The following SLC12A1 variants were observed in gnomAD, a reference collection of about 807,000 sequenced individuals.
The protein encoded by SLC12A1 is Na-K-2Cl cotransporter.
In SLC12A1, 89 loss-of-function variants were observed where a neutral mutation model predicts 130.4. The ratio of observed to expected loss-of-function variants is 0.68; its 90% CI spans 0.58 to 0.81. The LOEUF is 0.81. SLC12A1 is among the 40% of genes least tolerant of loss of function. The pLI, the probability that SLC12A1 is intolerant of heterozygous loss-of-function variation, is 0.00. For synonymous variants in SLC12A1, 499 were observed against 460.0 expected (o/e 1.08, Z -1.09); for missense variants, 1,310 against 1,336.4 (o/e 0.98, Z 0.31).
At chr15:48,290,371 T>G (rs1292607638) in intron 23 of SLC12A1, among the ~76,000 whole-genome samples, 1 of 152,196 alleles carries the variant, frequency 6.6e-6, no homozygotes, top group East Asian at 1.9e-4. Flanking sequence ...TTCACTTTTT[T>G]TAATAAGTAG....
At chr15:48,292,801 T>C (rs2042135028) in intron 24 of SLC12A1, among the ~76,000 whole-genome samples, 1 of 152,154 alleles carries the variant, frequency 6.6e-6, no homozygotes, top group Non-Finnish European at 1.5e-5. Flanking sequence ...CTAAACCTAA[T>C]TACCACCCAG....
intron 6 of SLC12A1, 71 bp from the exon 7 acceptor site, chr15:48,230,322 T>A (rs980317723): frequency 2.3e-6 from 2 of 859,252 alleles, no homozygotes; most frequent in African/African-American, 3.3e-5. Context: ...CTCTTTTTAC[T>A]GTTAAATGCT....
At chr15:48,263,637 T>TA (rs72169413) in intron 17 of SLC12A1, among the ~76,000 whole-genome samples, 2 of 151,750 alleles carry the variant, frequency 1.3e-5, no homozygotes, top group Admixed American at 1.3e-4. Flanking sequence ...AGTCCCTGCC[T>TA]AAAAAAAGAA....
chr15:48,240,091 C>CT (rs2041496355), intron 9 of SLC12A1, among the ~76,000 whole-genome samples: 1 of 49,584 alleles, frequency 2.0e-5, no homozygotes, highest in African/African-American at 1.9e-4. Context: ...ATATATATAT[C>CT]CATATATATA....
At chr15:48,210,641 G>C (rs1281504685) in intron 2 of SLC12A1, among the ~76,000 whole-genome samples, 1 of 149,052 alleles carries the variant, frequency 6.7e-6, no homozygotes, top group Non-Finnish European at 1.5e-5. Context: ...GATCACCTGA[G>C]GTCAAAAATT....
At chr15:48,209,798 A>G (rs1167620890) in intron 2 of SLC12A1, among the ~76,000 whole-genome samples, 1 of 152,112 alleles carries the variant, frequency 6.6e-6, no homozygotes, top group African/African-American at 2.4e-5. Flanking sequence ...CCAGAGACCA[A>G]GTGACTTCCT....
chr15:48,267,001 TG>T (rs940333663), intron 17 of SLC12A1, among the ~76,000 whole-genome samples: 7 of 152,190 alleles, frequency 4.6e-5, no homozygotes, highest in Non-Finnish European at 1.0e-4. Context: ...TGTATTTGAA[TG>T]GAAGTGTGGC....
chr15:48,246,205 A>G (rs573971234), intron 11 of SLC12A1, among the ~76,000 whole-genome samples: 79 of 152,328 alleles, frequency 5.2e-4, no homozygotes, highest in Middle Eastern at 6.8e-3. Context: ...AGGTCTGAAA[A>G]GCCTCTGTGT....
chr15:48,281,735 T>C (rs761547918), intron 20 of SLC12A1, among the ~76,000 whole-genome samples: 7 of 152,228 alleles, frequency 4.6e-5, no homozygotes, highest in Non-Finnish European at 1.0e-4. Context: ...GAAAGGGCTT[T>C]GTAATTTCTG....
At chr15:48,290,035 G>A (rs964240324) in intron 23 of SLC12A1, among the ~76,000 whole-genome samples, 1 of 152,080 alleles carries the variant, frequency 6.6e-6, no homozygotes, top group African/African-American at 2.4e-5. Context: ...TGACCCTTTT[G>A]TAATAACACT....
chr15:48,271,890 T>C (rs1012805857), intron 19 of SLC12A1, among the ~76,000 whole-genome samples: 2 of 152,188 alleles, frequency 1.3e-5, no homozygotes, highest in Non-Finnish European at 2.9e-5. Context: ...ACCCAGATTC[T>C]TCAGTAAAAT....
rs565208895 is a variant in SLC12A1, at chr15:48,217,877, G to A, written c.421-2757G>A. The stretch of plus-strand genomic sequence containing the variant: ...GCTGGAATGCAGTGGCACAACTGTG[G>A]TTCACTGCAGCCTTGACCTCCCTAG... On this transcript the variant is annotated intron_variant, in intron 2 of 26. Transcript: ENST00000380993. 3.3e-5 allele frequency: 5 copies of A among 152,592 alleles called. No homozygotes were observed. The East Asian group carries it at 9.6e-4, about 29-fold the overall frequency. The allele number at this position is 152,592 out of a possible 1,614,324, so 9.5% of individuals were successfully genotyped here. A position where few individuals can be genotyped will look rare whatever the true frequency, so the allele number is the denominator to read the frequency against.
At chr15:48,230,946 A>G (rs2041368654) in intron 7 of SLC12A1, among the ~76,000 whole-genome samples, 1 of 152,246 alleles carries the variant, frequency 6.6e-6, no homozygotes, top group South Asian at 2.1e-4. Context: ...AAATTTAGGC[A>G]CATCATAGGC....
chr15:48,210,386 C>T (rs1246872730), intron 2 of SLC12A1, among the ~76,000 whole-genome samples: 7 of 152,000 alleles, frequency 4.6e-5, no homozygotes, highest in Admixed American at 4.6e-4. Flanking sequence ...CCCCAATTTA[C>T]AACAAAAGAA....
chr15:48,277,325 A>T (rs1406615685), intron 20 of SLC12A1, among the ~76,000 whole-genome samples: 4 of 152,134 alleles, frequency 2.6e-5, no homozygotes, highest in South Asian at 4.1e-4. Context: ...AAAAATTTTT[A>T]AAAATTAAAA....
chr15:48,230,304 T>C (rs1275988276), intron 6 of SLC12A1, 89 bp from the exon 7 acceptor site: 1 of 751,718 alleles, frequency 1.3e-6, no homozygotes, highest in East Asian at 2.7e-5. Context: ...GGTGTAATTG[T>C]ATAGTATCTC....
chr15:48,247,821 T>C (rs1486071515), intron 13 of SLC12A1, among the ~76,000 whole-genome samples: 1 of 152,216 alleles, frequency 6.6e-6, no homozygotes, highest in Non-Finnish European at 1.5e-5. Flanking sequence ...TCTGGAAATG[T>C]GGTCCACTGA....
At position 48,263,229 on chromosome 15, in the gene SLC12A1, T is replaced by A. The variant is rs558432489; in HGVS notation, c.2154+3918T>A. Reference sequence around the variant, plus strand: ...ATACATTTAAGGATCAAAAGTTAATTGAATTGAAAGTCGATTCCATTGACC... The same window carrying A: ...ATACATTTAAGGATCAAAAGTTAATAGAATTGAAAGTCGATTCCATTGACC... On this transcript the variant is annotated intron_variant, in intron 17 of 26. Coordinates refer to ENST00000380993, the MANE Select transcript of SLC12A1 (RefSeq NM_000338.3). Among the ~76,000 whole-genome samples, 3 of 152,306 alleles carry A rather than the reference T, an allele frequency of 2.0e-5. No individual in the cohort carries two copies. The South Asian group carries it at 6.2e-4, about 32-fold the overall frequency.
At chr15:48,228,877 C>A (rs2041329111) in intron 5 of SLC12A1, 2 of 206,180 alleles carry the variant, frequency 9.7e-6, no homozygotes, top group Non-Finnish European at 1.9e-5. Context: ...AATTTGAATA[C>A]TCCAATGATA....
Sources: gnomAD v4.1 joint callset for allele counts (sites outside exome capture counted in the v4.1 genomes callset) on GRCh38, gnomAD v4.1.1 for gene constraint, MANE v1.5 for transcripts, NCBI Gene and HGNC (gene_info 2026-07-23, HGNC 2026-07-21) for gene names.